ABCA8: variants seen among roughly 807,000 people sequenced by gnomAD.
ABCA8 encodes ATP binding cassette subfamily A member 8.
Under a neutral mutation model 192.3 loss-of-function variants are expected in ABCA8, and 177 were observed. The observed-to-expected ratio is 0.92, with a 90% CI of 0.81 to 1.04. The LOEUF (loss-of-function observed/expected upper bound fraction) is 1.04. Ranked by LOEUF, ABCA8 falls within the 50% of genes least tolerant of loss-of-function variation. ABCA8 has a pLI of 0.00. For missense variants in ABCA8, 1,915 were observed against 1,904.8 expected (o/e 1.01, Z -0.10); for synonymous variants, 642 against 690.2 (o/e 0.93, Z 1.09).
intron 1 of ABCA8, among the ~76,000 whole-genome samples, chr17:68,951,283 T>C (rs145079017): frequency 1.3e-3 from 203 of 152,376 alleles, no homozygotes; most frequent in African/African-American, 4.6e-3. Flanking sequence ...TCTTTGTTTT[T>C]AGTGACTTTT....
At chr17:68,947,987 C>T (rs1394346355) in intron 2 of ABCA8, among the ~76,000 whole-genome samples, 2 of 152,142 alleles carry the variant, frequency 1.3e-5, no homozygotes, top group East Asian at 1.9e-4. Flanking sequence ...CGAGTAAGAA[C>T]ATGTGGTGTT....
At chr17:68,933,137 C>T (rs2067954921) in intron 6 of ABCA8, 31 bp downstream of exon 6, 2 of 1,430,740 alleles carry the variant, frequency 1.4e-6, no homozygotes, top group East Asian at 2.3e-5. Flanking sequence ...TTGCATTAAA[C>T]ATTAGTTTGC....
chr17:68,916,285 T>C (rs903412906), intron 17 of ABCA8, among the ~76,000 whole-genome samples: 5 of 152,116 alleles, frequency 3.3e-5, no homozygotes, highest in African/African-American at 7.2e-5. Flanking sequence ...TTTTATTACA[T>C]GTACAATATA....
At chr17:68,941,883 A>T in intron 3 of ABCA8, 56 bp downstream of exon 3, 1 of 1,289,528 alleles carries the variant, frequency 7.8e-7, no homozygotes, top group Non-Finnish European at 1.1e-6. Context: ...GATAACTCCC[A>T]GGCAACACGT....
chr17:68,869,316 A>C (rs922236573), intron 38 of ABCA8, among the ~76,000 whole-genome samples: 9 of 152,184 alleles, frequency 5.9e-5, no homozygotes, highest in African/African-American at 2.2e-4. Flanking sequence ...TCAGTTTCTT[A>C]ATATACAGGC....
In ABCA8 at chr17:68,887,082, C is replaced by T. The variant is rs79398827; in HGVS notation, c.3364G>A (p.Val1122Met). ...CCCTTGCGAAAGATGAAGGAAATCA[C>T]GTATGTCATGAAGATGAGGGAAAAG... Reference protein sequence around the residue: ...YSFSLIFMTYVISFIFRKGRK... With the variant: ...YSFSLIFMTYMISFIFRKGRK... Residue 1122 changes from valine to methionine, a missense_variant, in exon 26 of 40, where the codon GTG (valine) becomes ATG (methionine). Physicochemically the swap from Val to Met is conservative, Grantham distance 21 (BLOSUM62 1). Transcript: ENST00000586539. 1,746 of 1,612,550 alleles carry T rather than the reference C, an allele frequency of 1.1e-3. 24 individuals carry two copies. In the African/African-American group the frequency reaches 0.02, roughly 19 times the overall value.
intron 5 of ABCA8, among the ~76,000 whole-genome samples, chr17:68,933,520 A>G (rs1401947710): frequency 6.6e-6 from 1 of 152,174 alleles, no homozygotes; most frequent in Admixed American, 6.5e-5. Flanking sequence ...AAGCTTTCTC[A>G]TACCGTGTCC....
At chr17:68,908,824 A>G (rs1024340094) in intron 17 of ABCA8, among the ~76,000 whole-genome samples, 3 of 152,220 alleles carry the variant, frequency 2.0e-5, no homozygotes, top group African/African-American at 7.2e-5. Context: ...TAACTTATCT[A>G]AACAGTTACT....
intron 1 of ABCA8, among the ~76,000 whole-genome samples, chr17:68,951,662 A>C (rs368410669): frequency 2.1e-4 from 32 of 151,902 alleles, no homozygotes; most frequent in African/African-American, 7.5e-4. Flanking sequence ...TAGGTGCATA[A>C]AACATTGCTT....
intron 1 of ABCA8, among the ~76,000 whole-genome samples, chr17:68,953,526 TAGA>T (rs1277967594): frequency 2.0e-5 from 3 of 151,906 alleles, no homozygotes; most frequent in African/African-American, 7.3e-5. Flanking sequence ...AGAACACTGC[TAGA>T]AGAAGAACCT....
chr17:68,935,181 G>C (rs34389186), intron 5 of ABCA8, among the ~76,000 whole-genome samples: 27,333 of 148,124 alleles, frequency 0.18, 3,378 homozygotes, highest in Non-Finnish European at 0.28. Flanking sequence ...TGCAAGCTCT[G>C]CCTCCCAAGT....
At chr17:68,944,415 G>A (rs1002282250) in intron 2 of ABCA8, 8 of 139,278 alleles carry the variant, frequency 5.7e-5, no homozygotes, top group Admixed American at 5.3e-4. Flanking sequence ...GTAGCTCACA[G>A]GCCACAAAAT....
Position 68,922,296 on chromosome 17 carries a change from T to C in ABCA8, c.1447A>G (p.Arg483Gly). The change falls in exon 12 of 40, where the codon AGA (arginine) becomes GGA (glycine). Residue 483 changes from arginine to glycine, a missense_variant. Coordinates refer to ENST00000586539, the MANE Select transcript of ABCA8 (RefSeq NM_001288985.2). ...CCTTTATATTCTTTTGTAACATTTC[T>C]GATTCTGAAAAAAAGAAAAGATACT... Reference protein sequence around the residue: ...EFQGKEAIRIRNVTKEYKGKP... With the variant: ...EFQGKEAIRIGNVTKEYKGKP... 1 of 1,257,448 alleles carries C rather than the reference T, an allele frequency of 8.0e-7. No individual in the cohort carries two copies. Among genetic ancestry groups the C allele is most frequent in the African/African-American group, 1.6e-5 (1 of 60,894 alleles). 77.9% of individuals were successfully genotyped at this position (1,257,448 alleles called of 1,614,324 possible). A position where few individuals can be genotyped will look rare whatever the true frequency, so the allele number is the denominator to read the frequency against.
chr17:68,873,370 C>A (rs995651101), intron 37 of ABCA8, among the ~76,000 whole-genome samples: 2 of 152,170 alleles, frequency 1.3e-5, no homozygotes. Flanking sequence ...GATATTCACA[C>A]AATGATGAAA....
rs1297073784 is a variant in ABCA8 at position 68,937,107 on chromosome 17, C to T, written c.310G>A (p.Val104Ile). ...ASTPFLAGKE[V>I]LGLPDEESIK... is the part of the protein sequence containing the mutation. ...CTTTCCTCATCTGGCAGTCCCAAGA[C>T]CTCTTTACCTTTTGTTACAAGAAGG... Residue 104 changes from valine (V) to isoleucine (I), a missense_variant, in exon 5 of 40, where the codon GTC (valine) becomes ATC (isoleucine). Val to Ile is a conservative substitution (Grantham distance 29). Coordinates refer to ENST00000586539, the MANE Select transcript of ABCA8 (RefSeq NM_001288985.2). 2 of 1,590,268 alleles carry T rather than the reference C, an allele frequency of 1.3e-6. No homozygotes were observed. Among genetic ancestry groups the T allele is most frequent in the Non-Finnish European group, 1.7e-6 (2 of 1,172,302 alleles).
At chr17:68,944,592 C>A (rs2068343958) in intron 2 of ABCA8, 1 of 151,588 alleles carries the variant, frequency 6.6e-6, no homozygotes, top group Admixed American at 6.6e-5. Context: ...ACCAACCACC[C>A]CTTCCCCCAA....
intron 21 of ABCA8, among the ~76,000 whole-genome samples, chr17:68,900,687 A>C (rs912650664): frequency 6.6e-6 from 1 of 152,142 alleles, no homozygotes; most frequent in African/African-American, 2.4e-5. Flanking sequence ...CATTATCAAC[A>C]AAACCCTAGA....
chr17:68,923,611 C>T (rs1017826560), intron 11 of ABCA8, among the ~76,000 whole-genome samples: 1 of 152,198 alleles, frequency 6.6e-6, no homozygotes, highest in African/African-American at 2.4e-5. Context: ...AAGAAACACA[C>T]AAGCACCTCA....
intron 7 of ABCA8, chr17:68,931,844 T>C (rs1158216276): frequency 7.0e-6 from 1 of 141,980 alleles, no homozygotes; most frequent in African/African-American, 2.5e-5. Context: ...AATTTGTTCA[T>C]GATCTGAAAT....
Sources: allele counts gnomAD v4.1 joint callset (sites outside exome capture counted in the v4.1 genomes callset), GRCh38; gene constraint gnomAD v4.1.1; transcripts MANE v1.5; gene names NCBI Gene and HGNC (gene_info 2026-07-23, HGNC 2026-07-21).